Variants in IPMK observed in about 807,000 individuals in gnomAD.
IPMK encodes inositol polyphosphate multikinase, also known as inositol 1,3,4,6-tetrakisphosphate 5-kinase.
A neutral mutation model predicts 45.8 loss-of-function variants in IPMK; 17 were observed. That is an observed-to-expected ratio of 0.37 (90% CI 0.25 to 0.56). IPMK has a LOEUF of 0.56. Among genes scored for constraint, IPMK ranks in the 20% least tolerant of loss-of-function variants. The pLI, the probability that IPMK is intolerant of heterozygous loss-of-function variation, is 0.79. For synonymous variants in IPMK, 180 were observed against 184.3 expected, an observed-to-expected ratio of 0.98 and a Z score of 0.19; for missense variants, 399 against 498.0, an observed-to-expected ratio of 0.80 and a Z score of 1.89.
At chr10:58,197,306 A>AATAC (rs879645938) in intron 5 of IPMK, among the ~76,000 whole-genome samples, 6,075 of 141,706 alleles carry the variant, frequency 0.043, 166 homozygotes, top group East Asian at 0.13. Flanking sequence ...CTCAAAAATA[A>AATAC]ATAAATAAAT....
At chr10:58,260,574 T>C (rs1327247022) in intron 1 of IPMK, among the ~76,000 whole-genome samples, 2 of 152,184 alleles carry the variant, frequency 1.3e-5, no homozygotes, top group Admixed American at 1.3e-4. Flanking sequence ...AAAATTAATA[T>C]TAACAATTGA....
chr10:58,195,609 A>G lies in IPMK; in HGVS notation c.*467T>C, dbSNP rs2132139627. ...AAACAGTACTTATTTCTGAAGTAGA[A>G]TTTTCTCCAGTTTTAGTAACTTCAT... On this transcript the variant is annotated 3_prime_UTR_variant, in exon 6 of 6. Coordinates refer to ENST00000373935, the MANE Select transcript of IPMK (RefSeq NM_152230.5). 1 of 153,348 alleles carries G rather than the reference A, an allele frequency of 6.5e-6. No homozygotes were observed. Among genetic ancestry groups the G allele is most frequent in the South Asian group, 2.0e-4 (1 of 4,890 alleles). 9.5% of individuals were successfully genotyped at this position (153,348 alleles called of 1,614,324 possible).
chr10:58,252,694 C>G (rs1838902230), intron 1 of IPMK, among the ~76,000 whole-genome samples: 1 of 149,876 alleles, frequency 6.7e-6, no homozygotes, highest in Non-Finnish European at 1.5e-5. Context: ...CTCACTGCAA[C>G]CTCCACCTTC....
At chr10:58,200,369 T>C (rs1837979627) in intron 4 of IPMK, among the ~76,000 whole-genome samples, 3 of 152,142 alleles carry the variant, frequency 2.0e-5, no homozygotes, top group African/African-American at 7.2e-5. Flanking sequence ...TCCACCCGCC[T>C]CAGCCTCTCA....
At chr10:58,223,834 G>A (rs1242538023) in intron 3 of IPMK, among the ~76,000 whole-genome samples, 1 of 152,098 alleles carries the variant, frequency 6.6e-6, no homozygotes, top group Admixed American at 6.5e-5. Context: ...TTTTAAAAGT[G>A]GCAGTTTCCC....
In IPMK at chr10:58,199,241, A is replaced by T; in HGVS notation, c.627T>A (p.Asp209Glu). 6.3e-7 allele frequency: 1 copy of T among 1,591,236 alleles called. No homozygotes were observed. The highest frequency in any genetic ancestry group is 8.6e-7 in the Non-Finnish European group (1 of 1,163,030). ...AAGCATTAGTTTTTTAGTCCTTACC[A>T]TCCTTTATAGTTTCTTTTGTTAAGC... ...GRSLTKETIK[D>E]GVSRFFHNGY... Residue 209 changes from aspartate (D) to glutamate (E), a missense_variant and splice_region_variant, in exon 5 of 6, where the codon GAT becomes GAA. This residue lies in a region of IPMK where 288 missense variants were observed against 398.0 expected (regional missense o/e 0.72). Transcript: ENST00000373935.
chr10:58,240,409 A>T (rs1004394931), intron 1 of IPMK, among the ~76,000 whole-genome samples: 1 of 152,028 alleles, frequency 6.6e-6, no homozygotes, highest in South Asian at 2.1e-4. Flanking sequence ...AGAAACCCAT[A>T]AGGTAATACC....
In IPMK at chr10:58,216,246, G is replaced by C; in HGVS notation, c.445C>G (p.Gln149Glu). ...GAGGCAAAAGGATCATAGCTTTTTT[G>C]CCCTATCTTTACATCCATTATACAG... is the stretch of plus-strand genomic sequence containing the variant. ...KPCIMDVKIG[Q>E]KSYDPFASSE... Residue 149 changes from glutamine (Q) to glutamate (E), a missense_variant, in exon 4 of 6, where the codon CAA (glutamine) becomes GAA (glutamate). Physicochemically the swap from Gln to Glu is conservative, Grantham distance 29 (BLOSUM62 2). This residue lies in a region of IPMK where 288 missense variants were observed against 398.0 expected (regional missense o/e 0.72). Coordinates refer to ENST00000373935, the MANE Select transcript of IPMK (RefSeq NM_152230.5). 6.2e-7 allele frequency: 1 copy of C among 1,610,176 alleles called. No homozygotes were observed. The highest frequency in any genetic ancestry group is 8.5e-7 in the Non-Finnish European group (1 of 1,177,400).
rs1554823053 is a variant in IPMK, at chr10:58,211,919, A to AAAAAAATAAAAAAAT, written c.546+4225_546+4226insATTTTTTTATTTTTT. ...ATCTCACCAAAAAAAAAAAAAAAAA[A>AAAAAAATAAAAAAAT]AAAAAATTTGTTTTCATTGTTGTGG... On this transcript the variant is annotated intron_variant, in intron 4 of 5. Coordinates refer to ENST00000373935, the MANE Select transcript of IPMK (RefSeq NM_152230.5). Among the ~76,000 whole-genome samples the AAAAAAATAAAAAAAT allele has an allele frequency of 2.4e-4, 35 of 148,268 alleles. 1 individual carries two copies. The highest frequency in any genetic ancestry group is 8.9e-4 in the African/African-American group (34 of 38,278).
intron 1 of IPMK, among the ~76,000 whole-genome samples, chr10:58,259,613 G>A (rs751116088): frequency 1.0e-4 from 15 of 146,350 alleles, no homozygotes; most frequent in African/African-American, 2.9e-4. Context: ...TGGGTGGATC[G>A]CATGAGCTCA....
chr10:58,226,704 C>G (rs368570718), intron 3 of IPMK, among the ~76,000 whole-genome samples: 22 of 152,118 alleles, frequency 1.4e-4, no homozygotes, highest in African/African-American at 4.8e-4. Flanking sequence ...CATGCAGAGA[C>G]AATATTTTTC....
At chr10:58,205,590 A>G (rs1382817540) in intron 4 of IPMK, among the ~76,000 whole-genome samples, 3 of 152,200 alleles carry the variant, frequency 2.0e-5, no homozygotes, top group African/African-American at 4.8e-5. Flanking sequence ...TGAAGCCACC[A>G]TATGTTCTCA....
chr10:58,253,910 T>C (rs1194557041), intron 1 of IPMK, among the ~76,000 whole-genome samples: 1 of 152,118 alleles, frequency 6.6e-6, no homozygotes, highest in Non-Finnish European at 1.5e-5. Flanking sequence ...GAAAGCCATA[T>C]TGGGGCTCCA....
chr10:58,244,983 T>C (rs945882378), intron 1 of IPMK, among the ~76,000 whole-genome samples: 3 of 151,350 alleles, frequency 2.0e-5, no homozygotes, highest in African/African-American at 7.3e-5. Flanking sequence ...CTCTCCACTA[T>C]TATCCTATGA....
intron 3 of IPMK, among the ~76,000 whole-genome samples, chr10:58,219,390 T>C (rs1355527424): frequency 1.3e-5 from 2 of 152,208 alleles, no homozygotes; most frequent in African/African-American, 2.4e-5. Flanking sequence ...GATCTGAGCA[T>C]TGAGATTTTT....
At chr10:58,248,844 C>T (rs1838842282) in intron 1 of IPMK, among the ~76,000 whole-genome samples, 1 of 152,160 alleles carries the variant, frequency 6.6e-6, no homozygotes, top group African/African-American at 2.4e-5. Flanking sequence ...GCTCCAATTC[C>T]ATCCATGTTG....
At chr10:58,261,853 C>A (rs183766138) in intron 1 of IPMK, among the ~76,000 whole-genome samples, 1 of 152,158 alleles carries the variant, frequency 6.6e-6, no homozygotes, top group Non-Finnish European at 1.5e-5. Context: ...CATGAGCCAC[C>A]GTGCCCAGCC....
In IPMK at chr10:58,267,777, G is replaced by A. The variant is rs886833082; in HGVS notation, c.-166C>T. ...CGGGGAGGGGGCCCATGACGCCGCC[G>A]GGGCGCGGGCGCTCCTCTGCCCAAC... On this transcript the variant is annotated 5_prime_UTR_variant, in exon 1 of 6. Transcript: ENST00000373935. The A allele has an allele frequency of 3.0e-5, 17 of 561,278 alleles. No individual in the cohort carries two copies. The highest frequency in any genetic ancestry group is 2.2e-4 in the South Asian group (10 of 46,156). 34.8% of individuals were successfully genotyped at this position (561,278 alleles called of 1,614,324 possible).
chr10:58,206,928 T>C (rs1838078784), intron 4 of IPMK, among the ~76,000 whole-genome samples: 1 of 152,198 alleles, frequency 6.6e-6, no homozygotes, highest in Non-Finnish European at 1.5e-5. Context: ...TCCATTCAAG[T>C]TGCTGCAAAT....
Sources: gnomAD v4.1 joint callset for allele counts (sites outside exome capture counted in the v4.1 genomes callset) on GRCh38, gnomAD v4.1.1 for gene constraint, gnomAD v4.1.1 regional missense constraint, MANE v1.5 for transcripts, NCBI Gene and HGNC (gene_info 2026-07-23, HGNC 2026-07-21) for gene names.